Variants in USP39 observed in about 807,000 individuals in gnomAD.
The protein encoded by USP39 is ubiquitin specific peptidase 39, also known as ubiquitin carboxyl-terminal hydrolase 39.
A neutral mutation model predicts 66.4 loss-of-function variants in USP39; 38 were observed. The ratio of observed to expected loss-of-function variants is 0.57; its 90% confidence interval spans 0.44 to 0.75. The LOEUF (loss-of-function observed/expected upper bound fraction) is 0.75, where lower values mean the gene tolerates loss of function less well. USP39 is among the 30% of genes least tolerant of loss of function. The pLI is 0.00. For synonymous variants in USP39, 303 were observed against 274.6 expected (o/e 1.10, Z -1.02); for missense variants, 608 against 714.4 (o/e 0.85, Z 1.70).
At chr2:85,618,843 C>G (rs1470951914) in intron 1 of USP39, among the ~76,000 whole-genome samples, 2 of 151,676 alleles carry the variant, frequency 1.3e-5, no homozygotes, top group South Asian at 2.1e-4. Context: ...GATCTCTGCT[C>G]ACTGCAACCG....
At chr2:85,606,784 T>A (rs1028267813) in intron 1 of USP39, 4 of 131,494 alleles carry the variant, frequency 3.0e-5, no homozygotes, top group African/African-American at 1.2e-4. Context: ...TACCTCTTCC[T>A]TTTTTTTTTT....
At chr2:85,612,046 C>CA, upstream of USP39, 1 of 1,242,052 alleles carries the variant, frequency 8.1e-7, no homozygotes, top group Non-Finnish European at 1.1e-6. Context: ...CACCCGCCCA[C>CA]AGAGCTCCGC....
chr2:85,637,072 G>A (rs554506297), intron 7 of USP39, among the ~76,000 whole-genome samples: 3 of 152,220 alleles, frequency 2.0e-5, no homozygotes, highest in South Asian at 2.1e-4. Context: ...GAATTTTTTT[G>A]TAATTCATGT....
chr2:85,631,309 C>G (rs968172297), intron 6 of USP39, among the ~76,000 whole-genome samples: 3 of 146,504 alleles, frequency 2.0e-5, no homozygotes, highest in African/African-American at 5.2e-5. Flanking sequence ...CCACTGCGCC[C>G]GGCCTTTTTT....
At chr2:85,624,819 C>G (rs1030289288) in intron 4 of USP39, among the ~76,000 whole-genome samples, 1 of 151,812 alleles carries the variant, frequency 6.6e-6, no homozygotes, top group Non-Finnish European at 1.5e-5. Flanking sequence ...CAAAATTAGC[C>G]GGGCATGATG....
intron 9 of USP39, among the ~76,000 whole-genome samples, chr2:85,640,768 C>T (rs920530433): frequency 1.3e-4 from 19 of 148,168 alleles, no homozygotes; most frequent in South Asian, 2.1e-4. Flanking sequence ...CCACCAGGCC[C>T]GGCCTTTTTT....
At chr2:85,642,308 T>C (rs1011390535) in intron 10 of USP39, among the ~76,000 whole-genome samples, 6 of 152,258 alleles carry the variant, frequency 3.9e-5, no homozygotes, top group Non-Finnish European at 8.8e-5. Context: ...GTTTGTTCTC[T>C]GCCTCCTTGA....
intron 5 of USP39, among the ~76,000 whole-genome samples, 186 bp downstream of exon 5, chr2:85,625,877 A>G (rs527299315): frequency 4.6e-4 from 69 of 151,526 alleles, no homozygotes; most frequent in Non-Finnish European, 2.8e-4. Flanking sequence ...AATTAGCTAG[A>G]TATGGTGGTG....
At chr2:85,644,120 T>C (rs1482667081) in intron 10 of USP39, among the ~76,000 whole-genome samples, 4 of 152,110 alleles carry the variant, frequency 2.6e-5, no homozygotes, top group Non-Finnish European at 5.9e-5. Flanking sequence ...TTTTAAACTC[T>C]GTAATTTTGA....
At chr2:85,618,427 T>G (rs1248994890) in intron 1 of USP39, among the ~76,000 whole-genome samples, 1 of 151,742 alleles carries the variant, frequency 6.6e-6, no homozygotes, top group Non-Finnish European at 1.5e-5. Flanking sequence ...CTGGGTGTGG[T>G]GGCTTGTGCC....
chr2:85,634,045 G>C (rs945630629), intron 6 of USP39, among the ~76,000 whole-genome samples: 1 of 150,232 alleles, frequency 6.7e-6, no homozygotes, highest in Non-Finnish European at 1.5e-5. Flanking sequence ...CACCGTTTTA[G>C]CCGGGATGGT....
At chr2:85,616,135 C>G, upstream of USP39, 1 of 1,403,180 alleles carries the variant, frequency 7.1e-7, no homozygotes, top group Non-Finnish European at 9.3e-7. Context: ...CCTGATTGGC[C>G]TTGTGCCGCG....
chr2:85,623,226 T>C (rs1160648558), intron 3 of USP39, among the ~76,000 whole-genome samples: 1 of 152,158 alleles, frequency 6.6e-6, no homozygotes, highest in Non-Finnish European at 1.5e-5. Context: ...TGAGTGATGA[T>C]GGACTGTCAT....
chr2:85,623,520 TG>T lies in USP39; in HGVS notation c.434-124del. ...TCATGTGGAGGATTCATTTTATGAA[TG>T]GCATAATATTTGTTTTTTGCGGATA... On this transcript the variant is annotated intron_variant, in intron 3 of 12. Transcript: ENST00000323701. The T allele has an allele frequency of 3.0e-6, 4 of 1,314,088 alleles. No individual in the cohort carries two copies. The South Asian group carries it at 5.3e-5, about 17-fold the overall frequency. 81.4% of individuals were successfully genotyped at this position (1,314,088 alleles called of 1,614,324 possible). A position where few individuals can be genotyped will look rare whatever the true frequency, so the allele number is the denominator to read the frequency against.
chr2:85,632,800 G>C (rs1319524962), intron 6 of USP39, among the ~76,000 whole-genome samples: 3 of 152,092 alleles, frequency 2.0e-5, no homozygotes, highest in Non-Finnish European at 4.4e-5. Flanking sequence ...CTGTGCTATG[G>C]GAGGGGAGCA....
intron 12 of USP39, among the ~76,000 whole-genome samples, chr2:85,648,289 G>T (rs377118510): frequency 6.6e-6 from 1 of 152,146 alleles, no homozygotes; most frequent in Non-Finnish European, 1.5e-5. Context: ...AGAAGTGTGC[G>T]GTCTGGTTTC....
At chr2:85,645,469 A>T (rs757297767) in intron 11 of USP39, among the ~76,000 whole-genome samples, 9 of 152,016 alleles carry the variant, frequency 5.9e-5, no homozygotes, top group Admixed American at 5.9e-4. Context: ...TTTTTAGTAG[A>T]GACGGGGTTT....
At chr2:85,639,142 C>T (rs965927935) in intron 8 of USP39, 61 bp from the exon 9 acceptor site, 2 of 1,488,264 alleles carry the variant, frequency 1.3e-6, no homozygotes, top group Non-Finnish European at 1.8e-6. Context: ...AACATCGGTT[C>T]TGTGTTGGTT....
intron 9 of USP39, chr2:85,639,644 C>G: frequency 3.1e-6 from 1 of 323,234 alleles, no homozygotes; most frequent in Non-Finnish European, 5.7e-6. Context: ...TTAGTAGAGA[C>G]AGCATGTTGG....
Sources: allele counts gnomAD v4.1 joint callset (sites outside exome capture counted in the v4.1 genomes callset), GRCh38; gene constraint gnomAD v4.1.1; transcripts MANE v1.5; gene names NCBI Gene and HGNC (gene_info 2026-07-23, HGNC 2026-07-21).